TLR4: variants seen among roughly 807,000 people sequenced by gnomAD.
The protein encoded by TLR4 is toll like receptor 4, also known as toll-like receptor 4.
Under a neutral mutation model 27.4 loss-of-function variants are expected in TLR4, and 17 were observed. That is an observed-to-expected ratio of 0.62 (90% CI 0.42 to 0.93). The LOEUF (loss-of-function observed/expected upper bound fraction) is 0.93. Among genes scored for constraint, TLR4 ranks in the 40% least tolerant of loss-of-function variants. The probability of loss-of-function intolerance (pLI) is 0.00; values close to 1 mark genes in which losing one functional copy is unlikely to be tolerated. For synonymous variants in TLR4, 363 were observed against 365.7 expected (o/e 0.99, Z 0.08); for missense variants, 926 against 962.3 (o/e 0.96, Z 0.50).
rs2131180971 is a variant in TLR4, at chr9:117,721,500, T to C, written c.*6852T>C. 6.6e-6 allele frequency: 1 copy of C among 152,234 alleles called. No homozygotes were observed. The highest frequency in any genetic ancestry group is 1.9e-4 in the East Asian group (1 of 5,200). The allele number at this position is 152,234 out of a possible 1,614,324, so 9.4% of individuals were successfully genotyped here. ...AGCTGATTTTATTTCAATACAACGA[T>C]TAAAATGGAAACCATATATGAAGAT... On this transcript the variant is annotated 3_prime_UTR_variant, in exon 3 of 3. Transcript: ENST00000355622.
chr9:117,708,740 CACTTTTACAT>C lies in TLR4; in HGVS notation c.260+15_260+24del, dbSNP rs769798789. 5.5e-5 allele frequency: 88 copies of C among 1,613,454 alleles called. 2 individuals are homozygous for C. The South Asian group carries it at 9.4e-4, about 17-fold the overall frequency. On this transcript the variant is annotated intron_variant, in intron 2 of 2. Coordinates refer to ENST00000355622, the MANE Select transcript of TLR4 (RefSeq NM_138554.5). ...GCTGGATTTATCCAGGTAATGAATC[CACTTTTACAT>C]ACTGCACAAGGTGAGGTGTTCATTG...
chr9:117,707,019 C>T (rs1231377196), intron 1 of TLR4, among the ~76,000 whole-genome samples: 1 of 152,180 alleles, frequency 6.6e-6, no homozygotes, highest in Non-Finnish European at 1.5e-5. Flanking sequence ...AACCATTTGC[C>T]AGACACCATT....
At chr9:117,708,184 GTT>G (rs1193487909) in intron 1 of TLR4, 1 of 1,018,226 alleles carries the variant, frequency 9.8e-7, no homozygotes, top group African/African-American at 1.7e-5. Flanking sequence ...GTTTTATTTT[GTT>G]TTGTTTTTAA....
Position 117,722,240 on chromosome 9 carries a change from C to A in TLR4, c.*7592C>A, listed in dbSNP as rs541563195. The A allele has an allele frequency of 6.6e-6, 1 of 152,124 alleles. No individual in the cohort carries two copies. Among genetic ancestry groups the A allele is most frequent in the Non-Finnish European group, 1.5e-5 (1 of 68,032 alleles). 9.4% of individuals were successfully genotyped at this position (152,124 alleles called of 1,614,324 possible). ...TACTAAGATTCCAAAAATGACTTTCCCCTCTGAAAAACACAGGATTTCCTT... is the reference window on the plus strand; with the variant it reads ...TACTAAGATTCCAAAAATGACTTTCACCTCTGAAAAACACAGGATTTCCTT... On this transcript the variant is annotated 3_prime_UTR_variant, in exon 3 of 3. Coordinates refer to ENST00000355622, the MANE Select transcript of TLR4 (RefSeq NM_138554.5).
chr9:117,714,825 A>G lies in TLR4; in HGVS notation c.*177A>G. ...AAGGAGCTTCCAGTGCAGAGGGAAT[A>G]AATGCTAGACTAAAATACAGAGTCT... On this transcript the variant is annotated 3_prime_UTR_variant, in exon 3 of 3. Transcript: ENST00000355622. 1 of 657,524 alleles carries G rather than the reference A, an allele frequency of 1.5e-6. No homozygotes were observed. Among genetic ancestry groups the G allele is most frequent in the East Asian group, 2.7e-5 (1 of 36,550 alleles). The allele number at this position is 657,524 out of a possible 1,614,324, so 40.7% of individuals were successfully genotyped here.
At position 117,722,535 on chromosome 9, in the gene TLR4, C is replaced by T. The variant is rs1829434413; in HGVS notation, c.*7887C>T. 6.6e-6 allele frequency: 1 copy of T among 152,194 alleles called. No homozygotes were observed. Among genetic ancestry groups the T allele is most frequent in the African/African-American group, 2.4e-5 (1 of 41,450 alleles). The allele number at this position is 152,194 out of a possible 1,614,324, so 9.4% of individuals were successfully genotyped here. On this transcript the variant is annotated 3_prime_UTR_variant, in exon 3 of 3. Coordinates refer to ENST00000355622, the MANE Select transcript of TLR4 (RefSeq NM_138554.5). Reference sequence around the variant, plus strand: ...TCAGCTGAGTTATTAATAGGGCCTTCTGAGTCCTCTCTACACATCATCTTT... The same window carrying T: ...TCAGCTGAGTTATTAATAGGGCCTTTTGAGTCCTCTCTACACATCATCTTT...
intron 1 of TLR4, among the ~76,000 whole-genome samples, chr9:117,705,332 G>C (rs1262110220): frequency 6.6e-6 from 1 of 152,064 alleles, no homozygotes; most frequent in African/African-American, 2.4e-5. Context: ...AGTGAGGCAG[G>C]GTCAGAAACT....
chr9:117,714,561 C>T lies in TLR4; in HGVS notation c.2433C>T (p.Leu811=). ...VLGRHIFWRR[L]RKALLDGKSW... The stretch of plus-strand genomic sequence containing the variant: ...GGCGGCACATCTTCTGGAGACGACT[C>T]AGAAAAGCCCTGCTGGATGGTAAAT... The change falls in exon 3 of 3, where the codon CTC becomes CTT. Residue 811 remains leucine (L), a synonymous_variant. Coordinates refer to ENST00000355622, the MANE Select transcript of TLR4 (RefSeq NM_138554.5). 1 of 1,613,856 alleles carries T rather than the reference C, an allele frequency of 6.2e-7. No homozygotes were observed. The highest frequency in any genetic ancestry group is 8.5e-7 in the Non-Finnish European group (1 of 1,179,996).
chr9:117,724,382 T>C lies in TLR4; in HGVS notation c.*9734T>C, dbSNP rs1829455282. On this transcript the variant is annotated 3_prime_UTR_variant, in exon 3 of 3. Coordinates refer to ENST00000355622, the MANE Select transcript of TLR4 (RefSeq NM_138554.5). Reference sequence around the variant, plus strand: ...ATCTTCCTTCCTTTGCATTTTCTTATTGTGCACTAAGTTAGTTCTTGCTTA... The same window carrying C: ...ATCTTCCTTCCTTTGCATTTTCTTACTGTGCACTAAGTTAGTTCTTGCTTA... 1 of 150,152 alleles carries C rather than the reference T, an allele frequency of 6.7e-6. No homozygotes were observed. Among genetic ancestry groups the C allele is most frequent in the African/African-American group, 2.5e-5 (1 of 39,678 alleles). The allele number at this position is 150,152 out of a possible 1,614,324, so 9.3% of individuals were successfully genotyped here. A position where few individuals can be genotyped will look rare whatever the true frequency, so the allele number is the denominator to read the frequency against.
At position 117,713,932 on chromosome 9, in the gene TLR4, G is replaced by A. The variant is rs200131163; in HGVS notation, c.1804G>A (p.Val602Met). The change falls in exon 3 of 3, where the codon GTG (valine) becomes ATG (methionine). Residue 602 changes from valine (V) to methionine (M), a missense_variant. Coordinates refer to ENST00000355622, the MANE Select transcript of TLR4 (RefSeq NM_138554.5). Reference protein sequence around the residue: ...QWIKDQRQLLVEVERMECATP... With the variant: ...QWIKDQRQLLMEVERMECATP... ...GATCAAGGACCAGAGGCAGCTCTTG[G>A]TGGAAGTTGAACGAATGGAATGTGC... 6 of 1,613,930 alleles carry A rather than the reference G, an allele frequency of 3.7e-6. No homozygotes were observed. The highest frequency in any genetic ancestry group is 5.1e-6 in the Non-Finnish European group (6 of 1,180,012).
In TLR4 at chr9:117,713,776, GAT is replaced by G. The variant is rs776780660; in HGVS notation, c.1649_1650del (p.Asp550ValfsTer20). The G allele has an allele frequency of 6.2e-7, 1 of 1,613,914 alleles. No homozygotes were observed. Among genetic ancestry groups the G allele is most frequent in the South Asian group, 1.1e-5 (1 of 91,078 alleles). On this transcript the variant is annotated frameshift_variant, in exon 3 of 3. Transcript: ENST00000355622. LOFTEE classifies it high-confidence loss of function. ...GTGTCTGAACTCCCTCCAGGTTCTT[GAT>G]TACAGTCTCAATCACATAATGACTT... ...YKCLNSLQVL[D>X]YSLNHIMTSK...
chr9:117,710,246 T>C (rs1187146073), intron 2 of TLR4, among the ~76,000 whole-genome samples: 2 of 151,912 alleles, frequency 1.3e-5, no homozygotes, highest in African/African-American at 4.8e-5. Flanking sequence ...ATCCCCAGGG[T>C]CTATTTTTGT....
In TLR4 at chr9:117,704,510, C is replaced by T. The variant is rs775509862; in HGVS notation, c.38C>T (p.Pro13Leu). 5.6e-6 allele frequency: 9 copies of T among 1,613,838 alleles called. No individual in the cohort carries two copies. The South Asian group carries it at 9.9e-5, about 18-fold the overall frequency. Residue 13 changes from proline (P) to leucine (L), a missense_variant, in exon 1 of 3, where the codon CCA becomes CTA. Pro to Leu is a moderately conservative substitution (Grantham distance 98). Coordinates refer to ENST00000355622, the MANE Select transcript of TLR4 (RefSeq NM_138554.5). The stretch of plus-strand genomic sequence containing the variant: ...TCGCGCCTGGCTGGGACTCTGATCC[C>T]AGCCATGGCCTTCCTCTCCTGCGTG... ...SASRLAGTLI[P>L]AMAFLSCVRP...
In TLR4 at chr9:117,716,841, A is replaced by G. The variant is rs1261337963; in HGVS notation, c.*2193A>G. 2 of 152,224 alleles carry G rather than the reference A, an allele frequency of 1.3e-5. No homozygotes were observed. The highest frequency in any genetic ancestry group is 2.9e-5 in the Non-Finnish European group (2 of 68,042). 9.4% of individuals were successfully genotyped at this position (152,224 alleles called of 1,614,324 possible). A position where few individuals can be genotyped will look rare whatever the true frequency, so the allele number is the denominator to read the frequency against. ...TATGTCTAAACTCATCAAATTGTAT[A>G]CATTAAATATATGCAGTTTTATAAT... On this transcript the variant is annotated 3_prime_UTR_variant, in exon 3 of 3. Coordinates refer to ENST00000355622, the MANE Select transcript of TLR4 (RefSeq NM_138554.5).
rs1221842898 is a variant in TLR4 at position 117,714,534 on chromosome 9, G to A, written c.2406G>A (p.Leu802=). 1 of 1,613,756 alleles carries A rather than the reference G, an allele frequency of 6.2e-7. No homozygotes were observed. Among genetic ancestry groups the A allele is most frequent in the Non-Finnish European group, 8.5e-7 (1 of 1,179,994 alleles). The change falls in exon 3 of 3, where the codon CTG becomes CTA. Residue 802 remains leucine (L), a synonymous_variant. Transcript: ENST00000355622. The part of the protein sequence containing the change: ...NTYLEWEDSV[L]GRHIFWRRLR... The stretch of plus-strand genomic sequence containing the variant: ...ACCTGGAGTGGGAGGACAGTGTCCT[G>A]GGGCGGCACATCTTCTGGAGACGAC...
intron 1 of TLR4, among the ~76,000 whole-genome samples, chr9:117,707,043 A>G (rs1302030239): frequency 2.0e-5 from 3 of 152,242 alleles, no homozygotes; most frequent in Non-Finnish European, 4.4e-5. Context: ...AGTGCTGGAG[A>G]CAAAGCAGTG....
chr9:117,706,140 A>G (rs910741770), intron 1 of TLR4, among the ~76,000 whole-genome samples: 5 of 152,138 alleles, frequency 3.3e-5, no homozygotes, highest in Non-Finnish European at 7.4e-5. Context: ...CTCAATTTAC[A>G]CTATTCACAT....
Position 117,709,561 on chromosome 9 carries a change from A to C in TLR4, c.260+832A>C, listed in dbSNP as rs375933054. 2.6e-5 allele frequency among the ~76,000 whole-genome samples: 4 copies of C among 152,254 alleles called. No homozygotes were observed. In the South Asian group the frequency reaches 8.3e-4, roughly 32 times the overall value. On this transcript the variant is annotated intron_variant, in intron 2 of 2. Transcript: ENST00000355622. ...ATATTTTAGGGGAACCAAATTCTAA[A>C]AGGGTTTTCATCATCGGGGCCTTAT...
rs1232615695 is a variant in TLR4 at position 117,708,427 on chromosome 9, T to C, written c.94-136T>C. On this transcript the variant is annotated intron_variant, in intron 1 of 2. Coordinates refer to ENST00000355622, the MANE Select transcript of TLR4 (RefSeq NM_138554.5). ...ATGGATGGATATATGGATGGAAGGATGGACAGATGGATGAAAGGTTGACTG... is the reference window on the plus strand; with the variant it reads ...ATGGATGGATATATGGATGGAAGGACGGACAGATGGATGAAAGGTTGACTG... 3.9e-6 allele frequency: 6 copies of C among 1,555,564 alleles called. No individual in the cohort carries two copies. In the East Asian group the frequency reaches 1.4e-4, roughly 37 times the overall value.
Sources: allele counts gnomAD v4.1 joint callset (sites outside exome capture counted in the v4.1 genomes callset), GRCh38; gene constraint gnomAD v4.1.1; transcripts MANE v1.5; gene names NCBI Gene and HGNC (gene_info 2026-07-23, HGNC 2026-07-21).